AGTPBP1: variants seen among roughly 807,000 people sequenced by gnomAD.
AGTPBP1 encodes the protein cytosolic carboxypeptidase 1.
A neutral mutation model predicts 143.9 loss-of-function variants in AGTPBP1; 70 were observed. The observed-to-expected ratio is 0.49, with a 90% CI of 0.40 to 0.59. The LOEUF is 0.59. Ranked by LOEUF, AGTPBP1 falls within the 20% of genes least tolerant of loss-of-function variation. The probability of loss-of-function intolerance (pLI) is 0.00; values close to 1 mark genes in which losing one functional copy is unlikely to be tolerated. For missense variants in AGTPBP1, 1,229 were observed against 1,464.5 expected (o/e 0.84, Z 2.62); for synonymous variants, 463 against 500.2 (o/e 0.93, Z 0.99).
the AGTPBP1 span, among the ~76,000 whole-genome samples, chr9:85,804,602 CA>C: frequency 6.6e-6 from 1 of 152,182 alleles, no homozygotes; most frequent in Non-Finnish European, 1.5e-5. Context: ...TTAGTTGAAT[CA>C]GGGGGATTTA....
the AGTPBP1 span, among the ~76,000 whole-genome samples, chr9:85,749,009 T>TTTC: frequency 6.7e-6 from 1 of 148,606 alleles, no homozygotes; most frequent in African/African-American, 2.5e-5. Flanking sequence ...TTTTTTTTTT[T>TTTC]TTTTTTTTTT....
the AGTPBP1 span, among the ~76,000 whole-genome samples, chr9:85,788,455 G>A: frequency 6.7e-6 from 1 of 149,602 alleles, no homozygotes; most frequent in Non-Finnish European, 1.5e-5. Context: ...ATAAGGAAAT[G>A]TGTTTGTATA....
At chr9:85,679,339 G>A (rs1207049486) in intron 4 of AGTPBP1, among the ~76,000 whole-genome samples, 1 of 152,098 alleles carries the variant, frequency 6.6e-6, no homozygotes, top group African/African-American at 2.4e-5. Flanking sequence ...CCTGAGAACT[G>A]AGCATAGCCT....
At chr9:85,770,817 T>C in the AGTPBP1 span, among the ~76,000 whole-genome samples, 2 of 152,068 alleles carry the variant, frequency 1.3e-5, no homozygotes, top group Non-Finnish European at 2.9e-5. Context: ...TTGGATGTTC[T>C]ACCTGGCACT....
the AGTPBP1 span, among the ~76,000 whole-genome samples, chr9:85,797,568 C>T: frequency 2.0e-5 from 3 of 152,146 alleles, no homozygotes; most frequent in East Asian, 5.8e-4. Context: ...CTCTAGTGTG[C>T]TCTCCAGGCC....
intron 25 of AGTPBP1, among the ~76,000 whole-genome samples, chr9:85,563,595 A>G (rs1826883636): frequency 2.0e-5 from 3 of 152,366 alleles, no homozygotes; most frequent in Admixed American, 6.5e-5. Flanking sequence ...GAACTTAAAA[A>G]TTTGGAAAAC....
intron 6 of AGTPBP1, among the ~76,000 whole-genome samples, chr9:85,673,877 T>G (rs1834648381): frequency 1.3e-5 from 2 of 152,020 alleles, no homozygotes; most frequent in Admixed American, 6.5e-5. Context: ...TCCCAGCACT[T>G]TGGGAGGCTG....
chr9:85,764,062 T>G, the AGTPBP1 span, among the ~76,000 whole-genome samples: 1 of 152,054 alleles, frequency 6.6e-6, no homozygotes, highest in Non-Finnish European at 1.5e-5. Context: ...TAGTAAATTG[T>G]AACATAATTC....
At chr9:85,587,407 T>C (rs1462990760) in intron 21 of AGTPBP1, among the ~76,000 whole-genome samples, 1 of 152,190 alleles carries the variant, frequency 6.6e-6, no homozygotes, top group Non-Finnish European at 1.5e-5. Flanking sequence ...ATGAAAAGTA[T>C]ACACTGTTGT....
At position 85,680,368 on chromosome 9, in the gene AGTPBP1, G is replaced by T. The variant is rs34734635; in HGVS notation, c.225+900C>A. ...GGAGGCCGAGGCAGGTGGATCACCT[G>T]ATGTCAGGAGTTCAAGACCAGCCTG... is the stretch of plus-strand genomic sequence containing the variant. On this transcript the variant is annotated intron_variant, in intron 4 of 25. Transcript: ENST00000357081. Among the ~76,000 whole-genome samples, 956 of 152,260 alleles carry T rather than the reference G, an allele frequency of 6.3e-3. 4 individuals are homozygous for T. Among genetic ancestry groups the T allele is most frequent in the Non-Finnish European group, 0.01 (711 of 68,022 alleles).
intron 8 of AGTPBP1, among the ~76,000 whole-genome samples, chr9:85,668,675 AC>A (rs1278278236): frequency 6.6e-6 from 1 of 151,920 alleles, no homozygotes; most frequent in African/African-American, 2.4e-5. Context: ...TCTTAAAAGT[AC>A]CCCAGGAAAA....
chr9:85,804,664 C>A, the AGTPBP1 span, among the ~76,000 whole-genome samples: 1 of 152,214 alleles, frequency 6.6e-6, no homozygotes, highest in African/African-American at 2.4e-5. Context: ...GCCGGCTCTG[C>A]CGTTTATTAG....
the AGTPBP1 span, among the ~76,000 whole-genome samples, chr9:85,762,670 A>T: frequency 1.9e-3 from 290 of 151,786 alleles, 1 homozygote; most frequent in Non-Finnish European, 3.2e-3. Context: ...TACCTAATGT[A>T]AATGACGAGT....
At chr9:85,554,625 C>T (rs950222770) in intron 25 of AGTPBP1, among the ~76,000 whole-genome samples, 1 of 152,114 alleles carries the variant, frequency 6.6e-6, no homozygotes, top group Non-Finnish European at 1.5e-5. Context: ...CTCTAAAAGC[C>T]TCCCAGAAGA....
intron 2 of AGTPBP1, among the ~76,000 whole-genome samples, chr9:85,696,666 C>CAA (rs989968035): frequency 0.019 from 2,476 of 131,526 alleles, 24 homozygotes; most frequent in Middle Eastern, 0.058. Flanking sequence ...GACTCCGTCT[C>CAA]AAAAAAAAAA....
the AGTPBP1 span, among the ~76,000 whole-genome samples, chr9:85,773,356 G>A: frequency 0.033 from 3,698 of 110,438 alleles, 329 homozygotes; most frequent in African/African-American, 0.13. Flanking sequence ...TTTTTGCGGC[G>A]GAGTTTTGCT....
chr9:85,799,578 G>A, the AGTPBP1 span, among the ~76,000 whole-genome samples: 1 of 152,152 alleles, frequency 6.6e-6, no homozygotes, highest in Non-Finnish European at 1.5e-5. Flanking sequence ...GTACAGTGGT[G>A]CAATCACAGT....
chr9:85,721,637 A>T (rs1296545729), intron 1 of AGTPBP1, among the ~76,000 whole-genome samples: 1 of 151,862 alleles, frequency 6.6e-6, no homozygotes, highest in South Asian at 2.1e-4. Context: ...TTGCCAGTCT[A>T]TGTCTTTTAA....
At chr9:85,548,677 T>G (rs10117982) in intron 25 of AGTPBP1, among the ~76,000 whole-genome samples, 2,302 of 130,932 alleles carry the variant, frequency 0.018, 62 homozygotes, top group East Asian at 0.089. Flanking sequence ...TTTTTTTTGT[T>G]TTTGTTTTTG....
Sources: allele counts gnomAD v4.1 joint callset (sites outside exome capture counted in the v4.1 genomes callset), GRCh38; gene constraint gnomAD v4.1.1; transcripts MANE v1.5; gene names NCBI Gene and HGNC (gene_info 2026-07-23, HGNC 2026-07-21).